LYST: variants seen among roughly 807,000 people sequenced by gnomAD.
LYST encodes lysosomal trafficking regulator, also known as lysosomal-trafficking regulator.
Under a neutral mutation model 413.6 loss-of-function variants are expected in LYST, and 192 were observed. The observed-to-expected ratio is 0.46, with a 90% CI of 0.41 to 0.52. The LOEUF (loss-of-function observed/expected upper bound fraction) is 0.52, where lower values mean the gene tolerates loss of function less well. Ranked by LOEUF, LYST falls within the 20% of genes least tolerant of loss-of-function variation. The probability of loss-of-function intolerance (pLI) is 0.00; values close to 1 mark genes in which losing one functional copy is unlikely to be tolerated. For synonymous variants in LYST, 1,525 were observed against 1,567.3 expected, an observed-to-expected ratio of 0.97 and a Z score of 0.64; for missense variants, 3,815 against 4,499.9, an observed-to-expected ratio of 0.85 and a Z score of 4.35.
chr1:235,695,059 A>G (rs1660976456), intron 46 of LYST, among the ~76,000 whole-genome samples: 2 of 152,192 alleles, frequency 1.3e-5, no homozygotes, highest in South Asian at 4.1e-4. Context: ...TAGAATGTCT[A>G]TGTGGACTGT....
chr1:235,812,819 T>C, intron 4 of LYST, 152 bp downstream of exon 4: 1 of 668,048 alleles, frequency 1.5e-6, no homozygotes, highest in Non-Finnish European at 2.7e-6. Context: ...AGGAAAAATG[T>C]GTTTGCCTAA....
intron 1 of LYST, among the ~76,000 whole-genome samples, chr1:235,880,967 A>G (rs547312637): frequency 6.6e-6 from 1 of 152,280 alleles, no homozygotes; most frequent in African/African-American, 2.4e-5. Context: ...CTCTACAAAA[A>G]ATAAAAAAAT....
At chr1:235,823,169 C>T (rs967908306) in intron 3 of LYST, among the ~76,000 whole-genome samples, 8 of 152,176 alleles carry the variant, frequency 5.3e-5, no homozygotes, top group Admixed American at 3.3e-4. Context: ...TTAATTAAAA[C>T]GGGAATAATT....
chr1:235,751,909 A>T, intron 27 of LYST, 96 bp downstream of exon 27: 1 of 882,528 alleles, frequency 1.1e-6, no homozygotes, highest in Non-Finnish European at 1.8e-6. Context: ...TTAAACTTTT[A>T]GTAAAAGAGT....
chr1:235,700,323 A>G (rs533921631), intron 45 of LYST, among the ~76,000 whole-genome samples: 24 of 152,302 alleles, frequency 1.6e-4, no homozygotes, highest in African/African-American at 5.8e-4. Flanking sequence ...AATTTTTGCA[A>G]TCTACCCATC....
At position 235,755,547 on chromosome 1, in the gene LYST, C is replaced by T. The variant is rs750886970; in HGVS notation, c.7160G>A (p.Arg2387Gln). 9 of 1,613,208 alleles carry T rather than the reference C, an allele frequency of 5.6e-6. No individual in the cohort carries two copies. Among genetic ancestry groups the T allele is most frequent in the Admixed American group, 1.7e-5 (1 of 59,980 alleles). Residue 2387 changes from arginine (R) to glutamine (Q), a missense_variant, in exon 25 of 53, where the codon CGA becomes CAA. Around this residue, in one of 4 missense-constraint regions of LYST, gnomAD observed 771 missense variants for 837.1 expected, o/e 0.92. Transcript: ENST00000389793. ...SLLANQLYLH[R>Q]GTQELLECFI... ...GCATTCTAACAATTCTTGAGTTCCTCGATGAAGATACAACTGGTTGGCTAG... is the reference window on the plus strand; with the variant it reads ...GCATTCTAACAATTCTTGAGTTCCTTGATGAAGATACAACTGGTTGGCTAG...
At chr1:235,846,734 T>C (rs1236843293) in intron 1 of LYST, among the ~76,000 whole-genome samples, 1 of 152,110 alleles carries the variant, frequency 6.6e-6, no homozygotes, top group Admixed American at 6.6e-5. Flanking sequence ...CAAAATGCTC[T>C]GGAAAGTCTC....
At chr1:235,735,387 T>C (rs1289956772) in intron 31 of LYST, 3 of 152,146 alleles carry the variant, frequency 2.0e-5, no homozygotes, top group Non-Finnish European at 2.9e-5. Context: ...TATGTATCCA[T>C]GGCAGAGTTG....
chr1:235,746,461 T>C lies in LYST; in HGVS notation c.7847A>G (p.Asp2616Gly). The change falls in exon 29 of 53, where the codon GAT becomes GGT. Residue 2616 changes from aspartate (D) to glycine (G), a missense_variant. Asp to Gly is a moderately conservative substitution (Grantham distance 94). Coordinates refer to ENST00000389793, the MANE Select transcript of LYST (RefSeq NM_000081.4). ...CCGTTGCATCATCACATGAAGCTCA[T>C]CATTTGCCACTGAACGCATTTTCAT... Reference protein sequence around the residue: ...LLMKMRSVANDELHVMMQRRM... With the variant: ...LLMKMRSVANGELHVMMQRRM... The C allele has an allele frequency of 6.2e-7, 1 of 1,613,850 alleles. No individual in the cohort carries two copies.
upstream of LYST, among the ~76,000 whole-genome samples, chr1:235,870,957 T>C (rs946774556): frequency 1.3e-5 from 2 of 152,222 alleles, no homozygotes; most frequent in African/African-American, 4.8e-5. Context: ...AATACAAGAC[T>C]GCGATTTCAG....
intron 39 of LYST, among the ~76,000 whole-genome samples, chr1:235,722,142 C>T (rs1663425247): frequency 6.6e-6 from 1 of 152,138 alleles, no homozygotes; most frequent in South Asian, 2.1e-4. Context: ...CACTGGTGTG[C>T]CTGACATTCA....
intron 38 of LYST, 29 bp from the exon 39 acceptor site, chr1:235,724,209 T>A (rs775320087): frequency 4.5e-6 from 7 of 1,572,822 alleles, no homozygotes; most frequent in Middle Eastern, 1.7e-4. Context: ...CAAAAATATT[T>A]GTTTTACCGG....
intron 1 of LYST, among the ~76,000 whole-genome samples, chr1:235,874,156 C>T (rs1681044738): frequency 6.6e-6 from 1 of 152,162 alleles, no homozygotes; most frequent in South Asian, 2.1e-4. Context: ...TTACAGTTTA[C>T]CATTCTATAA....
chr1:235,853,149 T>A (rs908681117), intron 1 of LYST: 19 of 170,200 alleles, frequency 1.1e-4, no homozygotes, highest in African/African-American at 4.6e-4. Context: ...AGCTTTGTTA[T>A]CTTTTTCCAT....
Position 235,791,917 on chromosome 1 carries a change from C to A in LYST, c.4325G>T (p.Ser1442Ile), listed in dbSNP as rs1271144759. ...AGATGAAAGCAGCCGATGGGGAAAACTCTCTCTATCAGCCTCTTTCTTGCT... is the reference window on the plus strand; with the variant it reads ...AGATGAAAGCAGCCGATGGGGAAAAATCTCTCTATCAGCCTCTTTCTTGCT... The part of the protein sequence containing the change: ...SRSKKEADRE[S>I]FPHRLLSSWH... Residue 1442 changes from serine (S) to isoleucine (I), a missense_variant, in exon 12 of 53, where the codon AGT becomes ATT. Physicochemically the swap from Ser to Ile is moderately radical, Grantham distance 142. This residue lies in a region of LYST where 1,648 missense variants were observed against 1,810.3 expected (regional missense o/e 0.91). Transcript: ENST00000389793. 5.6e-6 allele frequency: 9 copies of A among 1,613,968 alleles called. No individual in the cohort carries two copies. The highest frequency in any genetic ancestry group is 1.3e-5 in the African/African-American group (1 of 74,896).
chr1:235,780,734 T>G, intron 16 of LYST, 131 bp downstream of exon 16: 1 of 421,042 alleles, frequency 2.4e-6, no homozygotes, highest in Non-Finnish European at 4.2e-6. Flanking sequence ...GAAAAAAACA[T>G]AATTCTAAGA....
At position 235,674,438 on chromosome 1, in the gene LYST, T is replaced by C. The variant is rs1417652938; in HGVS notation, c.11038+2653A>G. ...AAAAAAGTGTCCCCCTCGGGTCTTT[T>C]GATCGTCACATATATATAAATGCTA... On this transcript the variant is annotated intron_variant, in intron 50 of 52. Coordinates refer to ENST00000389793, the MANE Select transcript of LYST (RefSeq NM_000081.4). The surrounding 1 kb of genome is among the most constrained non-coding windows in gnomAD (Gnocchi z 4.1). Among the ~76,000 whole-genome samples the C allele has an allele frequency of 6.6e-6, 1 of 151,988 alleles. No homozygotes were observed. The highest frequency in any genetic ancestry group is 1.5e-5 in the Non-Finnish European group (1 of 68,018).
At chr1:235,822,898 G>A (rs1257796968) in intron 3 of LYST, among the ~76,000 whole-genome samples, 5 of 152,206 alleles carry the variant, frequency 3.3e-5, no homozygotes, top group Non-Finnish European at 7.3e-5. Flanking sequence ...ATGTGGATGA[G>A]AACTGAGGCT....
chr1:235,755,075 T>C (rs1365224911), intron 25 of LYST, among the ~76,000 whole-genome samples: 4 of 94,756 alleles, frequency 4.2e-5, no homozygotes, highest in South Asian at 6.4e-4. Context: ...AGTGAGACAT[T>C]GTCTCAAAAA....
Sources: gnomAD v4.1 joint callset for allele counts (sites outside exome capture counted in the v4.1 genomes callset) on GRCh38, gnomAD v4.1.1 for gene constraint, gnomAD v4.1.1 regional missense constraint, Gnocchi (gnomAD v3.1) non-coding constraint, MANE v1.5 for transcripts, NCBI Gene and HGNC (gene_info 2026-07-23, HGNC 2026-07-21) for gene names.